The following ACTR8 variants were observed in gnomAD, a reference collection of about 807,000 sequenced individuals.
ACTR8 encodes the protein actin-related protein 8.
In ACTR8, 70 loss-of-function variants were observed where a neutral mutation model predicts 84.3. The ratio of observed to expected loss-of-function variants is 0.83; its 90% confidence interval spans 0.68 to 1.01. The LOEUF is 1.01. Ranked by LOEUF, ACTR8 falls within the 50% of genes least tolerant of loss-of-function variation. ACTR8 has a pLI of 0.00. For missense variants in ACTR8, 672 were observed against 775.4 expected, an observed-to-expected ratio of 0.87 and a Z score of 1.58; for synonymous variants, 268 against 275.2, an observed-to-expected ratio of 0.97 and a Z score of 0.26.
rs1484544259 is a variant in ACTR8 at position 53,870,954 on chromosome 3, A to G, written c.1567+278T>C. 3.3e-5 allele frequency among the ~76,000 whole-genome samples: 5 copies of G among 152,208 alleles called. No homozygotes were observed. Among genetic ancestry groups the G allele is most frequent in the Non-Finnish European group, 7.4e-5 (5 of 68,016 alleles). On this transcript the variant is annotated intron_variant, in intron 11 of 12. Coordinates refer to ENST00000335754, the MANE Select transcript of ACTR8 (RefSeq NM_022899.5). This position sits in a 1 kb window ranked among gnomAD's most constrained non-coding sequence, Gnocchi z 4.1. ...TGAAAGTACCACTGGCAGGTGCTAC[A>G]AAGTTTATCTAAAGGGTACTGACTG...
the ACTR8 span, chr3:53,860,421 G>A: frequency 1.4e-5 from 6 of 423,624 alleles, no homozygotes; most frequent in African/African-American, 8.0e-5. Context: ...GGTGAAAGCA[G>A]GGTCAGGACT....
chr3:53,865,227 T>C, downstream of ACTR8: 8 of 1,613,808 alleles, frequency 5.0e-6, no homozygotes, highest in Non-Finnish European at 6.8e-6. Flanking sequence ...CTGCTTTCTG[T>C]GCAGAACTTC....
the ACTR8 span, chr3:53,859,868 C>T: frequency 3.0e-6 from 1 of 329,914 alleles, no homozygotes; most frequent in Non-Finnish European, 5.7e-6. Context: ...TACAAAGTGG[C>T]TGGGCGCGGT....
intron 6 of ACTR8, 116 bp downstream of exon 6, chr3:53,876,504 G>A: frequency 2.9e-6 from 2 of 690,096 alleles, no homozygotes; most frequent in South Asian, 1.7e-5. Flanking sequence ...GGGCGACAGA[G>A]AGAGACTCTG....
rs776830153 is a variant in ACTR8 at position 53,877,174 on chromosome 3, A to C, written c.684+40T>G. 2.6e-6 allele frequency: 4 copies of C among 1,537,100 alleles called. No homozygotes were observed. The African/African-American group carries it at 5.6e-5, about 21-fold the overall frequency. On this transcript the variant is annotated intron_variant, in intron 5 of 12. Coordinates refer to ENST00000335754, the MANE Select transcript of ACTR8 (RefSeq NM_022899.5). ...TAACGTGTACTTTCATTGACCAAGA[A>C]TCTTAAAAACAATCCAAATAACTGA... is the stretch of plus-strand genomic sequence containing the variant.
chr3:53,861,138 AT>A, the ACTR8 span: 1 of 152,186 alleles, frequency 6.6e-6, no homozygotes, highest in Admixed American at 6.5e-5. Context: ...AGTAAATTAC[AT>A]ATCACAGTAA....
downstream of ACTR8, chr3:53,866,993 T>A (rs945897649): frequency 2.6e-5 from 4 of 152,152 alleles, no homozygotes; most frequent in African/African-American, 9.7e-5. Flanking sequence ...GGATAAAAAA[T>A]CAAAATGAAG....
At chr3:53,860,582 G>A in the ACTR8 span, 1 of 165,492 alleles carries the variant, frequency 6.0e-6, no homozygotes, top group East Asian at 1.7e-4. Context: ...GTTCTTATGA[G>A]GTGTTAAGAA....
In ACTR8 at chr3:53,878,455, T is replaced by C. The variant is rs1306716094; in HGVS notation, c.307A>G (p.Asn103Asp). 6.2e-7 allele frequency: 1 copy of C among 1,609,422 alleles called. No homozygotes were observed. The highest frequency in any genetic ancestry group is 8.5e-7 in the Non-Finnish European group (1 of 1,177,376). Residue 103 changes from asparagine (N) to aspartate (D), a missense_variant, in exon 3 of 13, where the codon AAT becomes GAT. Asn to Asp is a conservative substitution (Grantham distance 23, BLOSUM62 1). Transcript: ENST00000335754. The part of the protein sequence containing the change: ...LREGLNKPES[N>D]EQRQNGLKMV... ...TTAAGGCCATTTTGTCTTTGTTCAT[T>C]ACTTTCTGGTTTCTGGGGAAAAAAT...
At chr3:53,865,288 G>A (rs368854367), downstream of ACTR8, 9 of 1,606,152 alleles carry the variant, frequency 5.6e-6, no homozygotes, top group East Asian at 4.5e-5. Flanking sequence ...AGCCTGCCAC[G>A]ATGGCTGCTG....
chr3:53,862,154 T>G (rs1699585473), downstream of ACTR8, among the ~76,000 whole-genome samples: 1 of 152,158 alleles, frequency 6.6e-6, no homozygotes, highest in Non-Finnish European at 1.5e-5. Context: ...TTAAAGTTCT[T>G]TTGATATTGG....
At chr3:53,880,314 G>C (rs1440424012) in intron 1 of ACTR8, among the ~76,000 whole-genome samples, 1 of 152,198 alleles carries the variant, frequency 6.6e-6, no homozygotes, top group Non-Finnish European at 1.5e-5. Context: ...CTGAGTTATA[G>C]TACATAGCTC....
At position 53,877,253 on chromosome 3, in the gene ACTR8, C is replaced by T. The variant is rs750074267; in HGVS notation, c.645G>A (p.Ala215=). 2.9e-5 allele frequency: 46 copies of T among 1,606,046 alleles called. No homozygotes were observed. The highest frequency in any genetic ancestry group is 2.7e-4 in the South Asian group (24 of 88,788). Residue 215 remains alanine, a synonymous_variant, in exon 5 of 13, where the codon GCG becomes GCA. Coordinates refer to ENST00000335754, the MANE Select transcript of ACTR8 (RefSeq NM_022899.5). ...LADIEVIWSH[A]IQKYLEIPLK... ...GTGGGATTTCCAAGTATTTTTGTATCGCATGAGACCATATTACTTCAATAT... is the reference window on the plus strand; with the variant it reads ...GTGGGATTTCCAAGTATTTTTGTATTGCATGAGACCATATTACTTCAATAT...
chr3:53,865,156 A>G, downstream of ACTR8: 1 of 1,614,196 alleles, frequency 6.2e-7, no homozygotes, highest in Non-Finnish European at 8.5e-7. Flanking sequence ...AGAGATTGAT[A>G]CAAAAGACGA....
chr3:53,870,391 G>A lies in ACTR8; in HGVS notation c.1568-246C>T, dbSNP rs540539205. ...AAGGAGGCCGAGCATGGTGGCTCAC[G>A]CCTGTAATCCCAGCACTTTGGGAGG... On this transcript the variant is annotated intron_variant, in intron 11 of 12. Coordinates refer to ENST00000335754, the MANE Select transcript of ACTR8 (RefSeq NM_022899.5). The surrounding 1 kb of genome is among the most constrained non-coding windows in gnomAD (Gnocchi z 4.1). The A allele has an allele frequency of 8.4e-6, 4 of 478,808 alleles. No homozygotes were observed. The highest frequency in any genetic ancestry group is 7.3e-5 in the Admixed American group (2 of 27,564). The allele number at this position is 478,808 out of a possible 1,614,324, so 29.7% of individuals were successfully genotyped here. A position where few individuals can be genotyped will look rare whatever the true frequency, so the allele number is the denominator to read the frequency against.
At chr3:53,880,230 A>G in intron 1 of ACTR8, 121 bp from the exon 2 acceptor site, 1 of 1,060,704 alleles carries the variant, frequency 9.4e-7, no homozygotes, top group Non-Finnish European at 1.4e-6. Flanking sequence ...ATAATTCAAT[A>G]AAGTTCTTTG....
intron 5 of ACTR8, 131 bp from the exon 6 acceptor site, chr3:53,876,844 C>T (rs1401774405): frequency 3.7e-6 from 2 of 541,784 alleles, no homozygotes; most frequent in East Asian, 3.4e-5. Context: ...AAGCTCAAAC[C>T]TCTGTACTAT....
At chr3:53,864,985 C>A (rs1315917516), downstream of ACTR8, 5 of 1,614,180 alleles carry the variant, frequency 3.1e-6, no homozygotes, top group Non-Finnish European at 4.2e-6. Context: ...CGTCTTCCTT[C>A]TTTCCAATGA....
In ACTR8 at chr3:53,874,415, CA is replaced by C. The variant is rs771006273; in HGVS notation, c.912-52del. The C allele has an allele frequency of 5.7e-6, 9 of 1,570,638 alleles. No homozygotes were observed. The African/African-American group carries it at 1.1e-4, about 19-fold the overall frequency. ...GGTTAATCTGTTGGTTAAGAAGGTG[CA>C]AAAGGTGTTTGAAGAAATCCATTAA... On this transcript the variant is annotated intron_variant, in intron 7 of 12. Transcript: ENST00000335754.
Sources: allele counts gnomAD v4.1 joint callset (sites outside exome capture counted in the v4.1 genomes callset), GRCh38; gene constraint gnomAD v4.1.1; non-coding constraint Gnocchi (gnomAD v3.1); transcripts MANE v1.5; gene names NCBI Gene and HGNC (gene_info 2026-07-23, HGNC 2026-07-21).